The following TMEM182 variants were observed in gnomAD, a reference collection of about 807,000 sequenced individuals.
TMEM182 encodes the protein transmembrane protein 182.
In TMEM182, 20 loss-of-function variants were observed where a neutral mutation model predicts 26.8. The ratio of observed to expected loss-of-function variants is 0.75; its 90% CI spans 0.53 to 1.09. TMEM182 has a LOEUF of 1.09. TMEM182 is among the 50% of genes least tolerant of loss of function. The pLI, the probability that TMEM182 is intolerant of heterozygous loss-of-function variation, is 0.00. For missense variants in TMEM182, 277 were observed against 275.5 expected (o/e 1.01, Z -0.04); for synonymous variants, 109 against 102.2 (o/e 1.07, Z -0.40).
chr2:102,763,941 G>A (rs113947896), intron 2 of TMEM182, among the ~76,000 whole-genome samples: 2 of 151,996 alleles, frequency 1.3e-5, no homozygotes, highest in South Asian at 4.2e-4. Flanking sequence ...ACTAATCAAG[G>A]TTAAACTTAA....
Position 102,815,207 on chromosome 2 carries a change from A to G in TMEM182, c.*239A>G, listed in dbSNP as rs2104759260. 3 of 1,318,830 alleles carry G rather than the reference A, an allele frequency of 2.3e-6. No homozygotes were observed. The highest frequency in any genetic ancestry group is 3.5e-5 in the South Asian group (2 of 57,350). The allele number at this position is 1,318,830 out of a possible 1,614,324, so 81.7% of individuals were successfully genotyped here. On this transcript the variant is annotated 3_prime_UTR_variant, in exon 5 of 5. Transcript: ENST00000412401. ...ACCTAGTTCTTTAGGGAATAGGTAA[A>G]CAGGTCTCCCTTTCATTGAACATGT...
chr2:102,764,143 A>G (rs1399629616), intron 2 of TMEM182, among the ~76,000 whole-genome samples, 186 bp from the exon 3 acceptor site: 3 of 152,162 alleles, frequency 2.0e-5, no homozygotes, highest in African/African-American at 4.8e-5. Flanking sequence ...CCTTCGTCTC[A>G]TGTGCATCTT....
chr2:102,814,777 T>C lies in TMEM182; in HGVS notation c.499T>C (p.Tyr167His). Residue 167 changes from tyrosine (Y) to histidine (H), a missense_variant, in exon 5 of 5, where the codon TAT (tyrosine) becomes CAT (histidine). Physicochemically the swap from Tyr to His is moderately conservative, Grantham distance 83 (BLOSUM62 2). Coordinates refer to ENST00000412401, the MANE Select transcript of TMEM182 (RefSeq NM_144632.5). ...GILFSLVVML[Y>H]VIWVQAVADM... Reference sequence around the variant, plus strand: ...CCTATTTTCATTGGTGGTGATGCTGTATGTCATCTGGGTCCAGGCAGTGGC... The same window carrying C: ...CCTATTTTCATTGGTGGTGATGCTGCATGTCATCTGGGTCCAGGCAGTGGC... 6 of 1,613,824 alleles carry C rather than the reference T, an allele frequency of 3.7e-6. No homozygotes were observed. The highest frequency in any genetic ancestry group is 5.1e-6 in the Non-Finnish European group (6 of 1,179,912).
chr2:102,811,220 A>G (rs893860669), intron 4 of TMEM182, among the ~76,000 whole-genome samples: 2 of 152,060 alleles, frequency 1.3e-5, no homozygotes, highest in African/African-American at 2.4e-5. Context: ...CTTGAATTTG[A>G]GTTTGATTTT....
At chr2:102,745,322 G>T (rs912247938) in intron 1 of TMEM182, among the ~76,000 whole-genome samples, 1 of 151,930 alleles carries the variant, frequency 6.6e-6, no homozygotes, top group Non-Finnish European at 1.5e-5. Context: ...ATCTGGTCTT[G>T]CATGTTGTTT....
intron 3 of TMEM182, among the ~76,000 whole-genome samples, chr2:102,781,382 A>G (rs942103212): frequency 6.6e-6 from 1 of 152,212 alleles, no homozygotes; most frequent in African/African-American, 2.4e-5. Flanking sequence ...TGAACATGTT[A>G]CATTTAAGAT....
intron 3 of TMEM182, among the ~76,000 whole-genome samples, chr2:102,786,132 T>C (rs184581718): frequency 2.2e-4 from 33 of 150,558 alleles, no homozygotes; most frequent in Non-Finnish European, 3.7e-4. Flanking sequence ...TTTACAGAAG[T>C]CCCTGGTGTT....
chr2:102,794,745 T>C (rs1558776223), intron 3 of TMEM182, among the ~76,000 whole-genome samples: 1 of 152,248 alleles, frequency 6.6e-6, no homozygotes, highest in Admixed American at 6.5e-5. Context: ...TTAGAGTTTT[T>C]GGTAATTTTA....
At chr2:102,761,078 C>A (rs963296189), upstream of TMEM182, among the ~76,000 whole-genome samples, 1 of 152,044 alleles carries the variant, frequency 6.6e-6, no homozygotes, top group Non-Finnish European at 1.5e-5. Context: ...ATTAAGTATT[C>A]CAGATTATTG....
chr2:102,815,913 T>G lies in TMEM182; in HGVS notation c.*945T>G, dbSNP rs991578743. 4 of 963,714 alleles carry G rather than the reference T, an allele frequency of 4.2e-6. No individual in the cohort carries two copies. The highest frequency in any genetic ancestry group is 6.2e-5 in the Admixed American group (1 of 16,236). The allele number at this position is 963,714 out of a possible 1,614,324, so 59.7% of individuals were successfully genotyped here. On this transcript the variant is annotated 3_prime_UTR_variant, in exon 5 of 5. Transcript: ENST00000412401. The stretch of plus-strand genomic sequence containing the variant: ...ATATGAGGATTATAATAGCCCTGCT[T>G]TATTAAAGACCATAAAATATTAACT...
chr2:102,820,158 G>C (rs1682890763), downstream of TMEM182, among the ~76,000 whole-genome samples: 1 of 152,150 alleles, frequency 6.6e-6, no homozygotes, highest in Non-Finnish European at 1.5e-5. Context: ...CCCCTGAAGG[G>C]AGGTTCCTAG....
In TMEM182 at chr2:102,754,927, A is replaced by G. The variant is rs1679987916; in HGVS notation, c.-82-3462A>G. 2.0e-5 allele frequency among the ~76,000 whole-genome samples: 3 copies of G among 152,350 alleles called. No individual in the cohort carries two copies. The South Asian group carries it at 6.2e-4, about 32-fold the overall frequency. ...AGCCTTCTGTTGCTTATAGTCATCC[A>G]GCTATTGCTTATCCAGTTTTATTTA... On this transcript the variant is annotated intron_variant, in intron 1 of 5. Coordinates refer to the TMEM182 transcript ENST00000409173.
intron 2 of TMEM182, 74 bp from the exon 3 acceptor site, chr2:102,764,255 T>C (rs1013346503): frequency 2.1e-6 from 3 of 1,441,060 alleles, no homozygotes; most frequent in Non-Finnish European, 2.9e-6. Context: ...GTGCTCTGTA[T>C]TTCTGTTCCA....
At position 102,780,873 on chromosome 2, in the gene TMEM182, C is replaced by G. The variant is rs577789318; in HGVS notation, c.331+16446C>G. On this transcript the variant is annotated intron_variant, in intron 3 of 4. Transcript: ENST00000412401. ...AAAGTTTTTTGCCTTGGCATGCTAT[C>G]CTTTACCTGGTCCTTTGGATGGGCA... Among the ~76,000 whole-genome samples, 9 of 152,322 alleles carry G rather than the reference C, an allele frequency of 5.9e-5. No homozygotes were observed. In the South Asian group the frequency reaches 1.9e-3, roughly 32 times the overall value.
At chr2:102,738,467 C>T (rs560547806) in intron 1 of TMEM182, among the ~76,000 whole-genome samples, 14 of 152,106 alleles carry the variant, frequency 9.2e-5, no homozygotes, top group Non-Finnish European at 1.6e-4. Context: ...TGGTGGTGCG[C>T]GCCTGTAGTC....
rs759239958 is a variant in TMEM182 at position 102,814,742 on chromosome 2, TCTCAGGCATCCTA to T, written c.470-5_477del. On this transcript the variant is annotated splice_acceptor_variant and splice_polypyrimidine_tract_variant and coding_sequence_variant and intron_variant, in exon 5 of 5. Transcript: ENST00000412401. LOFTEE classifies it high-confidence loss of function. ...GGCTAACAGTCTTCTGTTTCATCCTTCTCAGGCATCCTATTTTCATTGGTGGTGATGCTGTATG... is the reference window on the plus strand; with the variant it reads ...GGCTAACAGTCTTCTGTTTCATCCTTTTTTCATTGGTGGTGATGCTGTATG... 6.2e-7 allele frequency: 1 copy of T among 1,611,354 alleles called. No individual in the cohort carries two copies. Among genetic ancestry groups the T allele is most frequent in the Admixed American group, 1.7e-5 (1 of 59,726 alleles).
At chr2:102,778,535 A>G (rs1429281580) in intron 3 of TMEM182, among the ~76,000 whole-genome samples, 1 of 151,970 alleles carries the variant, frequency 6.6e-6, no homozygotes, top group Non-Finnish European at 1.5e-5. Flanking sequence ...GCTTAATTCT[A>G]TCATATTGAT....
downstream of TMEM182, among the ~76,000 whole-genome samples, chr2:102,821,002 C>T (rs932504602): frequency 3.3e-5 from 5 of 152,128 alleles, no homozygotes; most frequent in Admixed American, 2.6e-4. Flanking sequence ...GACATGTCCA[C>T]GTTTCAACCC....
chr2:102,783,342 A>G (rs900377138), intron 3 of TMEM182, among the ~76,000 whole-genome samples: 1 of 152,216 alleles, frequency 6.6e-6, no homozygotes, highest in African/African-American at 2.4e-5. Flanking sequence ...TATCAAAAAG[A>G]AATATTGACA....
Sources: allele counts gnomAD v4.1 joint callset (sites outside exome capture counted in the v4.1 genomes callset), GRCh38; gene constraint gnomAD v4.1.1; transcripts MANE v1.5; gene names NCBI Gene and HGNC (gene_info 2026-07-23, HGNC 2026-07-21).